The following ESPNL variants were observed in gnomAD, a reference collection of about 807,000 sequenced individuals.
ESPNL encodes the protein espin like.
A neutral mutation model predicts 46.8 loss-of-function variants in ESPNL; 49 were observed. That is an observed-to-expected ratio of 1.05 (90% CI 0.83 to 1.33). The LOEUF is 1.33. ESPNL is among the 40% of genes most tolerant of loss of function. ESPNL has a pLI of 0.00. For missense variants in ESPNL, 1,540 were observed against 1,436.6 expected (o/e 1.07, Z -1.16); for synonymous variants, 664 against 662.1 (o/e 1.00, Z -0.04).
At chr2:238,101,663 G>A (rs1287925217) in intron 1 of ESPNL, among the ~76,000 whole-genome samples, 1 of 152,202 alleles carries the variant, frequency 6.6e-6, no homozygotes, top group African/African-American at 2.4e-5. Flanking sequence ...CGTGGGAAAG[G>A]GCCTTCTCCA....
intron 5 of ESPNL, among the ~76,000 whole-genome samples, chr2:238,118,368 T>G: frequency 8.2e-5 from 6 of 73,100 alleles, no homozygotes; most frequent in African/African-American, 1.5e-4. Context: ...GAGGAATGGA[T>G]GGAGGAGGTG....
intron 7 of ESPNL, 93 bp downstream of exon 7, chr2:238,127,827 GC>G: frequency 1.0e-6 from 1 of 966,782 alleles, no homozygotes; most frequent in Non-Finnish European, 1.6e-6. Flanking sequence ...CCCCAGCACA[GC>G]CAGGCCTTTC....
rs1303750692 is a variant in ESPNL, at chr2:238,131,351, C to T, written c.2637C>T (p.His879=). 4 of 1,597,896 alleles carry T rather than the reference C, an allele frequency of 2.5e-6. No homozygotes were observed. The highest frequency in any genetic ancestry group is 1.7e-5 in the Admixed American group (1 of 57,984). Residue 879 remains histidine (H), a synonymous_variant, in exon 9 of 9, where the codon CAC becomes CAT. Coordinates refer to ENST00000343063, the MANE Select transcript of ESPNL (RefSeq NM_194312.4). ...DLPAEERKLR[H]LLCFEVFEHL... ...CGGCGGAGGAGCGGAAGCTGCGCCA[C>T]CTGCTGTGCTTCGAGGTCTTCGAGC...
At chr2:238,123,082 C>T (rs1315051485) in intron 5 of ESPNL, among the ~76,000 whole-genome samples, 1 of 152,162 alleles carries the variant, frequency 6.6e-6, no homozygotes, top group East Asian at 1.9e-4. Context: ...AGTTGGGTCC[C>T]GATGGCAGCT....
intron 7 of ESPNL, among the ~76,000 whole-genome samples, chr2:238,128,333 G>A (rs940666956): frequency 2.6e-5 from 4 of 152,204 alleles, no homozygotes; most frequent in African/African-American, 9.6e-5. Flanking sequence ...AGCCCTCCGC[G>A]GCACAGGATT....
chr2:238,129,349 GC>G, intron 8 of ESPNL: 2 of 733,262 alleles, frequency 2.7e-6, no homozygotes, highest in Non-Finnish European at 3.4e-6. Flanking sequence ...TTGAGCAGGG[GC>G]CAGAGGGAAG....
intron 5 of ESPNL, among the ~76,000 whole-genome samples, chr2:238,119,049 ATGAAT>A: frequency 9.1e-6 from 1 of 109,360 alleles, no homozygotes; most frequent in Non-Finnish European, 1.8e-5. Flanking sequence ...TGGAGGAGGA[ATGAAT>A]GGAAGAGGAT....
At position 238,107,928 on chromosome 2, in the gene ESPNL, G is replaced by C; in HGVS notation, c.810G>C (p.Trp270Cys). Reference protein sequence around the residue: ...LMGTPILRDSWGGTPLHDAAE... With the variant: ...LMGTPILRDSCGGTPLHDAAE... The stretch of plus-strand genomic sequence containing the variant: ...GTACCCCCATCCTGAGAGACTCCTG[G>C]GGTGGGACCCCCCTCCACGACGCAG... The change falls in exon 4 of 9, where the codon TGG becomes TGC. Residue 270 changes from tryptophan (W) to cysteine (C), a missense_variant. Trp to Cys is a radical substitution (Grantham distance 215). Transcript: ENST00000343063. The C allele has an allele frequency of 6.2e-7, 1 of 1,612,904 alleles. No homozygotes were observed. Among genetic ancestry groups the C allele is most frequent in the Non-Finnish European group, 8.5e-7 (1 of 1,179,806 alleles).
chr2:238,107,135 G>A, intron 3 of ESPNL, among the ~76,000 whole-genome samples: 1 of 152,236 alleles, frequency 6.6e-6, no homozygotes, highest in East Asian at 1.9e-4. Context: ...CCACTGGCAG[G>A]CCCAGGCCCC....
rs886601184 is a variant in ESPNL, at chr2:238,131,289, A to C, written c.2575A>C (p.Met859Leu). ...CAGCAGCCTCTCACTGGATCTCTTC[A>C]TGCTGGGTTACTTCCAGCTGCTGGA... ...PYSSLSLDLF[M>L]LGYFQLLECD... Residue 859 changes from methionine to leucine, a missense_variant, in exon 9 of 9, where the codon ATG (methionine) becomes CTG (leucine). Physicochemically the swap from Met to Leu is conservative, Grantham distance 15. Coordinates refer to ENST00000343063, the MANE Select transcript of ESPNL (RefSeq NM_194312.4). 1.3e-6 allele frequency: 2 copies of C among 1,581,064 alleles called. No individual in the cohort carries two copies. Among genetic ancestry groups the C allele is most frequent in the Admixed American group, 3.6e-5 (2 of 55,254 alleles).
chr2:238,131,711 G>A lies in ESPNL; in HGVS notation c.2997G>A (p.Glu999=). ...CCTTCTGGAAGGAGAAGGAAGCTGAGATGTTCAACTTTGGAGAATGACCCT... is the reference window on the plus strand; with the variant it reads ...CCTTCTGGAAGGAGAAGGAAGCTGAAATGTTCAACTTTGGAGAATGACCCT... ...SFAFWKEKEA[E]MFNFGE is the part of the protein sequence containing the mutation. Residue 999 remains glutamate (E), a synonymous_variant, in exon 9 of 9, where the codon GAG becomes GAA. Coordinates refer to ENST00000343063, the MANE Select transcript of ESPNL (RefSeq NM_194312.4). 1 of 1,587,834 alleles carries A rather than the reference G, an allele frequency of 6.3e-7. No individual in the cohort carries two copies. Among genetic ancestry groups the A allele is most frequent in the Non-Finnish European group, 8.6e-7 (1 of 1,160,480 alleles).
intron 8 of ESPNL, 174 bp downstream of exon 8, chr2:238,129,078 A>G (rs1438881645): frequency 6.3e-6 from 9 of 1,426,296 alleles, no homozygotes; most frequent in Non-Finnish European, 8.2e-6. Flanking sequence ...TGACCAGAGG[A>G]CTCTGAGCAG....
rs143306115 is a variant in ESPNL at position 238,122,331 on chromosome 2, T to G, written c.988-2939T>G. The stretch of plus-strand genomic sequence containing the variant: ...TCCCTGTTAAACTCAGAGACCATCC[T>G]AATACCGAGGGTGGCAGCAGCGTCA... On this transcript the variant is annotated intron_variant, in intron 5 of 8. Coordinates refer to ENST00000343063, the MANE Select transcript of ESPNL (RefSeq NM_194312.4). Among the ~76,000 whole-genome samples the G allele has an allele frequency of 4.1e-3, 623 of 152,358 alleles. 4 individuals are homozygous for G. The highest frequency in any genetic ancestry group is 0.014 in the African/African-American group (586 of 41,582).
Position 238,132,193 on chromosome 2 carries a change from A to C in ESPNL, c.*461A>C. On this transcript the variant is annotated 3_prime_UTR_variant, in exon 9 of 9. Transcript: ENST00000343063. ...GTTTCTCCTGCTGACCTTGGGTCAC[A>C]CCCCTTCACCTCCCATCTGTGAATT... The C allele has an allele frequency of 6.3e-6, 1 of 159,912 alleles. No homozygotes were observed. The highest frequency in any genetic ancestry group is 6.0e-5 in the Admixed American group (1 of 16,662). 9.9% of individuals were successfully genotyped at this position (159,912 alleles called of 1,614,324 possible).
At chr2:238,127,014 T>C (rs147980791) in intron 6 of ESPNL, among the ~76,000 whole-genome samples, 27 of 151,968 alleles carry the variant, frequency 1.8e-4, no homozygotes, top group African/African-American at 5.3e-4. Flanking sequence ...TATCTGTGTG[T>C]GATTGTGTTT....
intron 5 of ESPNL, among the ~76,000 whole-genome samples, chr2:238,117,748 C>G (rs1691847716): frequency 1.3e-5 from 2 of 152,102 alleles, no homozygotes; most frequent in African/African-American, 4.8e-5. Flanking sequence ...AGCAAATGGA[C>G]AGAAAAGCAG....
chr2:238,131,307 C>A lies in ESPNL; in HGVS notation c.2593C>A (p.Leu865Met). 1 of 1,583,952 alleles carries A rather than the reference C, an allele frequency of 6.3e-7. No homozygotes were observed. The highest frequency in any genetic ancestry group is 8.6e-7 in the Non-Finnish European group (1 of 1,166,018). ...TCTCTTCATGCTGGGTTACTTCCAG[C>A]TGCTGGAGTGCGACCTGCCGGCGGA... ...LDLFMLGYFQ[L>M]LECDLPAEER... is the part of the protein sequence containing the mutation. The change falls in exon 9 of 9, where the codon CTG (leucine) becomes ATG (methionine). Residue 865 changes from leucine (L) to methionine (M), a missense_variant. Transcript: ENST00000343063.
In ESPNL at chr2:238,116,839, G is replaced by A. The variant is rs1279103757; in HGVS notation, c.856-64G>A. 3.2e-6 allele frequency: 5 copies of A among 1,586,138 alleles called. No individual in the cohort carries two copies. The African/African-American group carries it at 4.0e-5, about 13-fold the overall frequency. On this transcript the variant is annotated intron_variant, in intron 4 of 8. Transcript: ENST00000343063. Reference sequence around the variant, plus strand: ...TGGGGCAGGGGAGCGGCCCGCACAGGGCCAGTCCCATGGGCACCTGGTTTG... The same window carrying A: ...TGGGGCAGGGGAGCGGCCCGCACAGAGCCAGTCCCATGGGCACCTGGTTTG...
chr2:238,128,436 G>A (rs1410300584), intron 7 of ESPNL, among the ~76,000 whole-genome samples: 1 of 152,234 alleles, frequency 6.6e-6, no homozygotes, highest in Non-Finnish European at 1.5e-5. Context: ...TTGCACAGGG[G>A]ACGGGGAGGG....
Sources: allele counts gnomAD v4.1 joint callset (sites outside exome capture counted in the v4.1 genomes callset), GRCh38; gene constraint gnomAD v4.1.1; transcripts MANE v1.5; gene names NCBI Gene and HGNC (gene_info 2026-07-23, HGNC 2026-07-21).